Variants in OSBPL1A observed in about 807,000 individuals in gnomAD.
The protein encoded by OSBPL1A is oxysterol binding protein like 1A.
Under a neutral mutation model 137.1 loss-of-function variants are expected in OSBPL1A, and 80 were observed. That is an observed-to-expected ratio of 0.58 (90% CI 0.49 to 0.70). The LOEUF (loss-of-function observed/expected upper bound fraction) is 0.70. Among genes scored for constraint, OSBPL1A ranks in the 30% least tolerant of loss-of-function variants. OSBPL1A has a pLI of 0.00. For synonymous variants in OSBPL1A, 365 were observed against 389.7 expected, an observed-to-expected ratio of 0.94 and a Z score of 0.75; for missense variants, 970 against 1,129.4, an observed-to-expected ratio of 0.86 and a Z score of 2.02.
chr18:24,253,622 G>A (rs9949360), intron 15 of OSBPL1A, among the ~76,000 whole-genome samples: 11,771 of 152,232 alleles, frequency 0.077, 818 homozygotes, highest in African/African-American at 0.18. Flanking sequence ...GGCTGGTAAG[G>A]ACTTGGGAAG....
chr18:24,375,899 G>A (rs1039306563), intron 2 of OSBPL1A, among the ~76,000 whole-genome samples: 11 of 151,956 alleles, frequency 7.2e-5, no homozygotes, highest in African/African-American at 2.4e-4. Context: ...ATGAAGCCGC[G>A]GACCCTCGCG....
At chr18:24,239,404 GAA>G in intron 15 of OSBPL1A, 22 bp from the exon 16 acceptor site, 1 of 1,606,016 alleles carries the variant, frequency 6.2e-7, no homozygotes. Flanking sequence ...CAGATATACA[GAA>G]AAGACTTCAG....
At chr18:24,307,843 G>A (rs531374006) in intron 13 of OSBPL1A, among the ~76,000 whole-genome samples, 42 of 152,260 alleles carry the variant, frequency 2.8e-4, no homozygotes, top group African/African-American at 9.9e-4. Flanking sequence ...AGGCTGGAGT[G>A]CAGTGGTGCG....
At chr18:24,241,668 T>G (rs1599550289) in intron 15 of OSBPL1A, among the ~76,000 whole-genome samples, 1 of 152,272 alleles carries the variant, frequency 6.6e-6, no homozygotes, top group East Asian at 1.9e-4. Context: ...ACGCTTTTAC[T>G]CTGTTGGTGG....
In OSBPL1A at chr18:24,166,604, G is replaced by C; in HGVS notation, c.2634C>G (p.Ile878Met). ...CTATCTCTCCATTTTCCATGGCTCT[G>C]ATGTCAGGCCGTAACCTGCAGTCTG... is the stretch of plus-strand genomic sequence containing the variant. ...PKTDCRLRPD[I>M]RAMENGEIDQ... The change falls in exon 26 of 28, where the codon ATC (isoleucine) becomes ATG (methionine). Residue 878 changes from isoleucine to methionine, a missense_variant. Physicochemically the swap from Ile to Met is conservative, Grantham distance 10. Coordinates refer to ENST00000319481, the MANE Select transcript of OSBPL1A (RefSeq NM_080597.4). The C allele has an allele frequency of 6.2e-7, 1 of 1,612,744 alleles. No individual in the cohort carries two copies. Among genetic ancestry groups the C allele is most frequent in the Non-Finnish European group, 8.5e-7 (1 of 1,179,618 alleles).
In OSBPL1A at chr18:24,183,937, A is replaced by T. The variant is rs138109655; in HGVS notation, c.1678-2658T>A. Among the ~76,000 whole-genome samples the T allele has an allele frequency of 2.1e-3, 315 of 152,270 alleles. 1 individual carries two copies. The highest frequency in any genetic ancestry group is 7.1e-3 in the African/African-American group (295 of 41,552). ...GAGTTCCACTGCTGGGTTCACCTTT[A>T]CTAGCCGTGTAGCTTTGACCAAGTT... is the stretch of plus-strand genomic sequence containing the variant. On this transcript the variant is annotated intron_variant, in intron 18 of 27. Coordinates refer to ENST00000319481, the MANE Select transcript of OSBPL1A (RefSeq NM_080597.4).
chr18:24,346,280 T>A (rs753224439), intron 4 of OSBPL1A, among the ~76,000 whole-genome samples: 1 of 152,214 alleles, frequency 6.6e-6, no homozygotes, highest in Non-Finnish European at 1.5e-5. Flanking sequence ...AAAATCCTCA[T>A]GCCCAGATTA....
chr18:24,375,736 G>C (rs1249906089), intron 2 of OSBPL1A, among the ~76,000 whole-genome samples: 2 of 152,158 alleles, frequency 1.3e-5, no homozygotes, highest in African/African-American at 4.8e-5. Flanking sequence ...AGCTCAATAA[G>C]GGCAGGGATC....
chr18:24,366,362 G>A (rs1041130200), intron 4 of OSBPL1A: 5 of 151,832 alleles, frequency 3.3e-5, no homozygotes, highest in African/African-American at 9.7e-5. Context: ...GGCCATTAGC[G>A]AGCCATTTCC....
intron 13 of OSBPL1A, among the ~76,000 whole-genome samples, chr18:24,309,311 AC>A (rs1301975289): frequency 6.6e-6 from 1 of 152,294 alleles, no homozygotes; most frequent in Non-Finnish European, 1.5e-5. Flanking sequence ...GACAATGTTT[AC>A]CAAAAAATGT....
At chr18:24,327,607 T>A (rs2091005074) in intron 7 of OSBPL1A, among the ~76,000 whole-genome samples, 1 of 151,932 alleles carries the variant, frequency 6.6e-6, no homozygotes, top group South Asian at 2.1e-4. Flanking sequence ...CAGGATTTCA[T>A]CATGTTGGTC....
intron 1 of OSBPL1A, among the ~76,000 whole-genome samples, chr18:24,382,882 T>C (rs1354900259): frequency 1.3e-5 from 2 of 151,754 alleles, no homozygotes; most frequent in South Asian, 2.1e-4. Context: ...TCAAAAAAAA[T>C]AGTAAATGAA....
intron 13 of OSBPL1A, among the ~76,000 whole-genome samples, chr18:24,308,304 CAGGGTT>C (rs2090545453): frequency 6.7e-6 from 1 of 149,254 alleles, no homozygotes; most frequent in Non-Finnish European, 1.5e-5. Flanking sequence ...TTAGTAGAGA[CAGGGTT>C]TTGCCATGTT....
intron 2 of OSBPL1A, among the ~76,000 whole-genome samples, chr18:24,371,223 A>C (rs1473661348): frequency 6.6e-6 from 1 of 152,174 alleles, no homozygotes; most frequent in Non-Finnish European, 1.5e-5. Flanking sequence ...ACACACCATA[A>C]ACTCAGGATC....
intron 15 of OSBPL1A, among the ~76,000 whole-genome samples, chr18:24,261,676 T>C (rs1395637863): frequency 2.6e-5 from 4 of 151,704 alleles, no homozygotes; most frequent in African/African-American, 4.9e-5. Context: ...CTATAAAAAA[T>C]ACAAAAATGA....
chr18:24,335,903 C>T (rs2091167163), intron 5 of OSBPL1A, among the ~76,000 whole-genome samples: 1 of 152,180 alleles, frequency 6.6e-6, no homozygotes, highest in African/African-American at 2.4e-5. Flanking sequence ...CTTCTTTTCC[C>T]ACATTTTTAT....
In OSBPL1A at chr18:24,318,764, A is replaced by G. The variant is rs1212702809; in HGVS notation, c.671T>C (p.Ile224Thr). Residue 224 changes from isoleucine (I) to threonine (T), a missense_variant, in exon 8 of 28, where the codon ATT becomes ACT. Around this residue, in one of 2 missense-constraint regions of OSBPL1A, gnomAD observed 647 missense variants for 672.6 expected, o/e 0.96. Transcript: ENST00000319481. ...DLAQGAEMKH[I>T]LVGNKVIYKA... ...ACTCTGTACCTTATTACCAACAAGA[A>G]TGTGTTTCATTTCAGCACCCTGGGC... The G allele has an allele frequency of 1.2e-6, 2 of 1,613,072 alleles. No individual in the cohort carries two copies. Among genetic ancestry groups the G allele is most frequent in the Non-Finnish European group, 1.7e-6 (2 of 1,179,854 alleles).
intron 4 of OSBPL1A, among the ~76,000 whole-genome samples, chr18:24,356,497 T>A (rs78289339): frequency 5.0e-4 from 75 of 151,442 alleles, no homozygotes; most frequent in Non-Finnish European, 1.0e-3. Flanking sequence ...TGCATGGGAG[T>A]GAGATGATAA....
intron 27 of OSBPL1A, among the ~76,000 whole-genome samples, chr18:24,163,524 A>G (rs951419786): frequency 6.6e-6 from 1 of 152,220 alleles, no homozygotes; most frequent in African/African-American, 2.4e-5. Flanking sequence ...AGGATCTAGC[A>G]AGCTACTTGA....
Sources: allele counts gnomAD v4.1 joint callset (sites outside exome capture counted in the v4.1 genomes callset), GRCh38; gene constraint gnomAD v4.1.1; regional missense constraint gnomAD v4.1.1; transcripts MANE v1.5; gene names NCBI Gene and HGNC (gene_info 2026-07-23, HGNC 2026-07-21).